The following WDR19 variants were observed in gnomAD, a reference collection of about 807,000 sequenced individuals.
The protein encoded by WDR19 is WD repeat domain 19.
In WDR19, 121 loss-of-function variants were observed where a neutral mutation model predicts 180.0. The ratio of observed to expected loss-of-function variants is 0.67; its 90% CI spans 0.58 to 0.78. The LOEUF is 0.78. Ranked by LOEUF, WDR19 falls within the 30% of genes least tolerant of loss-of-function variation. WDR19 has a pLI of 0.00. For missense variants in WDR19, 1,450 were observed against 1,640.7 expected, an observed-to-expected ratio of 0.88 and a Z score of 2.01; for synonymous variants, 497 against 540.7, an observed-to-expected ratio of 0.92 and a Z score of 1.12.
In WDR19 at chr4:39,189,726, A is replaced by G. The variant is rs1300106564; in HGVS notation, c.235A>G (p.Ile79Val). 5 of 1,611,874 alleles carry G rather than the reference A, an allele frequency of 3.1e-6. No homozygotes were observed. The highest frequency in any genetic ancestry group is 1.7e-5 in the Admixed American group (1 of 59,650). ...LAVIAEKSSCIYLWDANTNKT... is the reference protein window; with the variant it reads ...LAVIAEKSSCVYLWDANTNKT... ...AGTGATTGCTGAGAAATCTAGCTGC[A>G]TTTATCTTTGGGATGCCAACACAAA... The change falls in exon 4 of 37, where the codon ATT (isoleucine) becomes GTT (valine). Residue 79 changes from isoleucine to valine, a missense_variant. Coordinates refer to ENST00000399820, the MANE Select transcript of WDR19 (RefSeq NM_025132.4).
At chr4:39,276,852 G>A (rs1214860118) in intron 33 of WDR19, 168 bp from the exon 34 acceptor site, 10 of 784,192 alleles carry the variant, frequency 1.3e-5, no homozygotes, top group Non-Finnish European at 2.0e-5. Flanking sequence ...CCTCCTCCCT[G>A]GAGTGGATCA....
chr4:39,266,317 G>A (rs949415130), intron 29 of WDR19, among the ~76,000 whole-genome samples, 177 bp downstream of exon 29: 4 of 152,198 alleles, frequency 2.6e-5, no homozygotes, highest in Admixed American at 2.0e-4. Flanking sequence ...CACATTGGAA[G>A]AAGAAGAATT....
chr4:39,223,394 G>A (rs995941238), intron 14 of WDR19, among the ~76,000 whole-genome samples: 7 of 152,104 alleles, frequency 4.6e-5, no homozygotes, highest in African/African-American at 1.2e-4. Flanking sequence ...GCAGTGGCGC[G>A]ATCTCAGCAC....
At chr4:39,250,703 T>C (rs1004910659) in intron 24 of WDR19, among the ~76,000 whole-genome samples, 1 of 152,202 alleles carries the variant, frequency 6.6e-6, no homozygotes, top group Non-Finnish European at 1.5e-5. Context: ...AGCATTCTTA[T>C]ACACCAATAA....
chr4:39,199,561 G>A lies in WDR19; in HGVS notation c.490G>A (p.Val164Ile), dbSNP rs199514431. 788 of 1,612,968 alleles carry A rather than the reference G, an allele frequency of 4.9e-4. No individual in the cohort carries two copies. The highest frequency in any genetic ancestry group is 6.0e-4 in the Non-Finnish European group (707 of 1,179,386). Residue 164 changes from valine (V) to isoleucine (I), a missense_variant, in exon 6 of 37, where the codon GTT becomes ATT. Val to Ile is a conservative substitution (Grantham distance 29). Transcript: ENST00000399820. The part of the protein sequence containing the change: ...ALGGEDKMIT[V>I]SNQEGDTIRQ... ...AGGTGGTGAAGATAAAATGATTACAGTTAGTAATCAGGAAGGTGACACGAT... is the reference window on the plus strand; with the variant it reads ...AGGTGGTGAAGATAAAATGATTACAATTAGTAATCAGGAAGGTGACACGAT...
At chr4:39,271,857 T>G (rs547750750) in intron 31 of WDR19, among the ~76,000 whole-genome samples, 1 of 152,218 alleles carries the variant, frequency 6.6e-6, no homozygotes, top group Non-Finnish European at 1.5e-5. Flanking sequence ...CTGCCCAATA[T>G]GGTAGCCACT....
rs748952637 is a variant in WDR19, at chr4:39,182,566, AAAT to A, written c.6+6_6+8del. The A allele has an allele frequency of 1.7e-4, 271 of 1,613,774 alleles. 2 individuals carry two copies. In the South Asian group the frequency reaches 2.8e-3, roughly 17 times the overall value. ...GCGGCTCGAGCGTGGAGATGAAGGTAAATAACTTACAAATTCCCGGGGTGGGGC... is the reference window on the plus strand; with the variant it reads ...GCGGCTCGAGCGTGGAGATGAAGGTAAACTTACAAATTCCCGGGGTGGGGC... On this transcript the variant is annotated splice_donor_5th_base_variant and intron_variant, in intron 1 of 36. Transcript: ENST00000399820.
rs771631714 is a variant in WDR19, at chr4:39,216,207, A to G, written c.1246A>G (p.Asn416Asp). 13 of 1,560,244 alleles carry G rather than the reference A, an allele frequency of 8.3e-6. No homozygotes were observed. The highest frequency in any genetic ancestry group is 7.0e-5 in the East Asian group (3 of 42,644). ...AGCTTGGTTTTATGTCCTTGGAGAA[A>G]ATGGCAAGTCTAAATCCAGTTGTTT... ...NRAWFYVLGE[N>D]AVKKLKDMEY... Residue 416 changes from asparagine to aspartate, a missense_variant, in exon 12 of 37, where the codon AAT becomes GAT. By Grantham distance (23) the Asn-to-Asp change is conservative. Transcript: ENST00000399820.
chr4:39,241,244 A>G (rs933433224), intron 21 of WDR19, among the ~76,000 whole-genome samples: 5 of 152,148 alleles, frequency 3.3e-5, no homozygotes, highest in African/African-American at 1.2e-4. Flanking sequence ...ACCTCATGAT[A>G]GCTAATTTGA....
chr4:39,230,225 A>G (rs1486453804), intron 17 of WDR19, among the ~76,000 whole-genome samples: 1 of 152,070 alleles, frequency 6.6e-6, no homozygotes, highest in East Asian at 1.9e-4. Flanking sequence ...TCTCTGTTCC[A>G]CTGGCTGCTG....
intron 17 of WDR19, among the ~76,000 whole-genome samples, chr4:39,229,179 C>A (rs1222952382): frequency 6.6e-6 from 1 of 151,964 alleles, no homozygotes; most frequent in Non-Finnish European, 1.5e-5. Flanking sequence ...TATATATACA[C>A]ACCACTTTTT....
intron 24 of WDR19, among the ~76,000 whole-genome samples, chr4:39,251,632 C>A (rs1733197773): frequency 6.6e-6 from 1 of 152,030 alleles, no homozygotes. Context: ...GGCTAATATC[C>A]AGAATCTACA....
chr4:39,269,908 T>C (rs1735173448), intron 30 of WDR19, 68 bp from the exon 31 acceptor site: 2 of 1,572,966 alleles, frequency 1.3e-6, no homozygotes, highest in Non-Finnish European at 1.7e-6. Context: ...ACTAGTAAGA[T>C]GGGGGTCCAT....
At chr4:39,266,215 T>C in intron 29 of WDR19, 75 bp downstream of exon 29, 1 of 1,341,946 alleles carries the variant, frequency 7.5e-7, no homozygotes, top group Non-Finnish European at 1.0e-6. Context: ...TTACCCATCA[T>C]GCTTTTACAA....
Position 39,194,654 on chromosome 4 carries a change from T to C in WDR19, c.401T>C (p.Val134Ala). 2 of 1,603,160 alleles carry C rather than the reference T, an allele frequency of 1.2e-6. No individual in the cohort carries two copies. The highest frequency in any genetic ancestry group is 1.7e-6 in the Non-Finnish European group (2 of 1,171,380). ...YNHQTSRKIP[V>A]LGKHTKRITC... ...CATCAGACATCTCGAAAGATTCCTGTCCTTGGTAGGTGATAGCTGGAAACA... is the reference window on the plus strand; with the variant it reads ...CATCAGACATCTCGAAAGATTCCTGCCCTTGGTAGGTGATAGCTGGAAACA... Residue 134 changes from valine (V) to alanine (A), a missense_variant, in exon 5 of 37, where the codon GTC becomes GCC. Transcript: ENST00000399820.
Position 39,235,409 on chromosome 4 carries a change from C to T in WDR19, c.2363+534C>T, listed in dbSNP as rs572937167. The stretch of plus-strand genomic sequence containing the variant: ...CCTCCCAAAGTGCTAGGATTATAAG[C>T]GTGAGCCACTACGCCCAGCCTAATT... On this transcript the variant is annotated intron_variant, in intron 20 of 36. Transcript: ENST00000399820. 6.0e-4 allele frequency among the ~76,000 whole-genome samples: 92 copies of T among 152,264 alleles called. 1 individual carries two copies. Among genetic ancestry groups the T allele is most frequent in the African/African-American group, 1.9e-3 (81 of 41,546 alleles).
At chr4:39,235,374 C>A (rs191068725) in intron 20 of WDR19, among the ~76,000 whole-genome samples, 70 of 152,264 alleles carry the variant, frequency 4.6e-4, no homozygotes, top group Admixed American at 4.1e-3. Flanking sequence ...AAGTGATCCT[C>A]CCAGCTCAGC....
chr4:39,197,839 C>G (rs2109275392), intron 5 of WDR19, among the ~76,000 whole-genome samples: 1 of 152,120 alleles, frequency 6.6e-6, no homozygotes, highest in Non-Finnish European at 1.5e-5. Flanking sequence ...TTAGTTGTTA[C>G]TGTTTTTGTT....
chr4:39,243,153 T>G (rs1435827801), intron 21 of WDR19, among the ~76,000 whole-genome samples: 1 of 152,196 alleles, frequency 6.6e-6, no homozygotes, highest in African/African-American at 2.4e-5. Context: ...TTCTACCTAG[T>G]ACATGTATCT....
Sources: gnomAD v4.1 joint callset for allele counts (sites outside exome capture counted in the v4.1 genomes callset) on GRCh38, gnomAD v4.1.1 for gene constraint, MANE v1.5 for transcripts, NCBI Gene and HGNC (gene_info 2026-07-23, HGNC 2026-07-21) for gene names.